Variants in VHL observed in about 807,000 individuals in gnomAD.
The protein encoded by VHL is von Hippel-Lindau disease tumor suppressor.
VHL carries 10 observed loss-of-function variants against 19.2 expected under a neutral mutation model. That is an observed-to-expected ratio of 0.52 (90% CI 0.32 to 0.89). VHL has a LOEUF of 0.89. Ranked by LOEUF, VHL falls within the 40% of genes least tolerant of loss-of-function variation. The pLI is 0.03. For missense variants in VHL, 328 were observed against 292.7 expected, an observed-to-expected ratio of 1.12 and a Z score of -0.88; for synonymous variants, 167 against 129.5, an observed-to-expected ratio of 1.29 and a Z score of -1.97.
chr3:10,149,867 A>G lies in VHL; in HGVS notation c.544A>G (p.Arg182Gly), dbSNP rs778205243. ...GAATTACAGGAGACTGGACATCGTC[A>G]GGTCGCTCTACGAAGATCTGGAAGA... ...PENYRRLDIV[R>G]SLYEDLEDHP... The change falls in exon 3 of 3, where the codon AGG becomes GGG. Residue 182 changes from arginine (R) to glycine (G), a missense_variant. Coordinates refer to ENST00000256474, the MANE Select transcript of VHL (RefSeq NM_000551.4). The G allele has an allele frequency of 3.7e-6, 6 of 1,614,094 alleles. No homozygotes were observed. The Admixed American group carries it at 1.0e-4, about 27-fold the overall frequency.
At chr3:10,148,952 C>A (rs965221875) in intron 2 of VHL, among the ~76,000 whole-genome samples, 1 of 151,942 alleles carries the variant, frequency 6.6e-6, no homozygotes, top group Non-Finnish European at 1.5e-5. Context: ...GGATTACAGG[C>A]GTGAGCCACT....
In VHL at chr3:10,146,656, TA is replaced by T; in HGVS notation, c.463+25del. On this transcript the variant is annotated intron_variant, in intron 2 of 2. Coordinates refer to ENST00000256474, the MANE Select transcript of VHL (RefSeq NM_000551.4). ...TGCCAGGTACTGACGTTTTACTTTTTAAAAAGATAAGGTTGTTGTGGTAAGT... is the reference window on the plus strand; with the variant it reads ...TGCCAGGTACTGACGTTTTACTTTTTAAAAGATAAGGTTGTTGTGGTAAGT... The T allele has an allele frequency of 1.9e-6, 3 of 1,612,770 alleles. No individual in the cohort carries two copies. The highest frequency in any genetic ancestry group is 1.7e-6 in the Non-Finnish European group (2 of 1,179,032).
chr3:10,146,298 C>T lies in VHL; in HGVS notation c.341-216C>T, dbSNP rs143057620. On this transcript the variant is annotated intron_variant, in intron 1 of 2. Transcript: ENST00000256474. ...ACACCATTCTCCTGCCTCAGCCTCC[C>T]GAGTAGCTGGGACTACAGGCGCTCG... Among the ~76,000 whole-genome samples the T allele has an allele frequency of 0.028, 4,152 of 148,644 alleles. 66 individuals carry two copies. The highest frequency in any genetic ancestry group is 0.046 in the South Asian group (215 of 4,648).
At chr3:10,147,524 C>G (rs923670398) in intron 2 of VHL, among the ~76,000 whole-genome samples, 1 of 151,912 alleles carries the variant, frequency 6.6e-6, no homozygotes, top group Non-Finnish European at 1.5e-5. Flanking sequence ...GTCACCACAC[C>G]TGGCTAATTT....
At chr3:10,149,227 C>T (rs1354205714) in intron 2 of VHL, among the ~76,000 whole-genome samples, 3 of 151,888 alleles carry the variant, frequency 2.0e-5, no homozygotes, top group Non-Finnish European at 4.4e-5. Context: ...ATCCTCCCAC[C>T]TCAGCCTCCC....
At chr3:10,147,074 C>T (rs1281870593) in intron 2 of VHL, among the ~76,000 whole-genome samples, 2 of 152,118 alleles carry the variant, frequency 1.3e-5, no homozygotes, top group East Asian at 3.8e-4. Context: ...TGCAGTGGCG[C>T]AATCTCGGCT....
intron 2 of VHL, among the ~76,000 whole-genome samples, chr3:10,148,966 C>T (rs558737890): frequency 1.3e-5 from 2 of 152,166 alleles, no homozygotes; most frequent in Non-Finnish European, 1.5e-5. Context: ...AGCCACTGCG[C>T]CCAGCCCACC....
intron 2 of VHL, among the ~76,000 whole-genome samples, chr3:10,147,673 T>TC (rs1466230848): frequency 2.0e-5 from 3 of 152,182 alleles, no homozygotes; most frequent in Admixed American, 2.0e-4. Flanking sequence ...CCTGTTTTTT[T>TC]TTTTTTTTAA....
chr3:10,142,291 T>C (rs1575922702), intron 1 of VHL, 104 bp downstream of exon 1: 1 of 1,328,982 alleles, frequency 7.5e-7, no homozygotes, highest in Non-Finnish European at 1.0e-6. Context: ...CTGAGGCCCC[T>C]TGAGGCAGGA....
At chr3:10,144,346 C>T (rs999874084) in intron 1 of VHL, among the ~76,000 whole-genome samples, 8 of 151,834 alleles carry the variant, frequency 5.3e-5, no homozygotes, top group Admixed American at 2.6e-4. Context: ...AGGGCACATT[C>T]CTGCCTTTAG....
In VHL at chr3:10,141,859, G is replaced by A. The variant is rs1553619274; in HGVS notation, c.12G>A (p.Arg4=). MPR[R]AENWDEAEVG... ...GGATCGCGGAGGGAATGCCCCGGAG[G>A]GCGGAGAACTGGGACGAGGCCGAGG... Residue 4 remains arginine (R), a synonymous_variant, in exon 1 of 3, where the codon AGG becomes AGA. Transcript: ENST00000256474. The A allele has an allele frequency of 5.9e-6, 9 of 1,535,738 alleles. No homozygotes were observed. Among genetic ancestry groups the A allele is most frequent in the African/African-American group, 1.4e-5 (1 of 72,468 alleles).
At chr3:10,142,234 G>A in intron 1 of VHL, 47 bp downstream of exon 1, 1 of 1,567,266 alleles carries the variant, frequency 6.4e-7, no homozygotes, top group Non-Finnish European at 8.6e-7. Flanking sequence ...CGATAGCACG[G>A]TCTGAAGCCC....
rs1346075080 is a variant in VHL, at chr3:10,153,503, TAAA to T, written c.*3541_*3543del. Among the ~76,000 whole-genome samples the T allele has an allele frequency of 6.6e-6, 1 of 152,146 alleles. No homozygotes were observed. The highest frequency in any genetic ancestry group is 2.4e-5 in the African/African-American group (1 of 41,432). On this transcript the variant is annotated 3_prime_UTR_variant, in exon 3 of 3. Transcript: ENST00000256474. ...GTTTTTGGTGTTGTCCAAGGAAAATTAAAAACCTGTAGCATGAATAATGTTTGT... is the reference window on the plus strand; with the variant it reads ...GTTTTTGGTGTTGTCCAAGGAAAATTAACCTGTAGCATGAATAATGTTTGT...
At chr3:10,145,654 C>T (rs550281007) in intron 1 of VHL, among the ~76,000 whole-genome samples, 5 of 146,914 alleles carry the variant, frequency 3.4e-5, no homozygotes, top group South Asian at 2.1e-4. Flanking sequence ...TGCAGTGAGC[C>T]GAGATCGTGC....
chr3:10,146,525 C>T lies in VHL; in HGVS notation c.352C>T (p.Leu118Phe), dbSNP rs773684010. The T allele has an allele frequency of 6.2e-7, 1 of 1,613,848 alleles. No homozygotes were observed. The highest frequency in any genetic ancestry group is 8.5e-7 in the Non-Finnish European group (1 of 1,179,816). The change falls in exon 2 of 3, where the codon CTC becomes TTC. Residue 118 changes from leucine to phenylalanine, a missense_variant. By Grantham distance (22) the Leu-to-Phe change is conservative. Coordinates refer to ENST00000256474, the MANE Select transcript of VHL (RefSeq NM_000551.4). The stretch of plus-strand genomic sequence containing the variant: ...GCTTGTCCCGATAGGTCACCTTTGG[C>T]TCTTCAGAGATGCAGGGACACACGA... ...RIHSYRGHLW[L>F]FRDAGTHDGL...
intron 1 of VHL, among the ~76,000 whole-genome samples, chr3:10,143,701 C>T (rs1345805260): frequency 6.6e-6 from 1 of 152,178 alleles, no homozygotes; most frequent in African/African-American, 2.4e-5. Context: ...CCTGCTTCGG[C>T]CTCCCAAAGT....
intron 2 of VHL, among the ~76,000 whole-genome samples, chr3:10,147,201 G>A (rs536429573): frequency 1.3e-5 from 2 of 151,766 alleles, no homozygotes; most frequent in Non-Finnish European, 2.9e-5. Context: ...TAGTAGAGAC[G>A]GGGTTTCACC....
At chr3:10,148,526 G>A (rs1273671119) in intron 2 of VHL, among the ~76,000 whole-genome samples, 1 of 151,230 alleles carries the variant, frequency 6.6e-6, no homozygotes, top group Non-Finnish European at 1.5e-5. Flanking sequence ...GTTTTAGCCG[G>A]GATGGTCTCG....
Position 10,141,862 on chromosome 3 carries a change from G to A in VHL, c.15G>A (p.Ala5=), listed in dbSNP as rs1355874307. Residue 5 remains alanine, a synonymous_variant, in exon 1 of 3, where the codon GCG becomes GCA. Transcript: ENST00000256474. ...TCGCGGAGGGAATGCCCCGGAGGGC[G>A]GAGAACTGGGACGAGGCCGAGGTAG... MPRR[A]ENWDEAEVGA... 6.5e-7 allele frequency: 1 copy of A among 1,534,558 alleles called. No individual in the cohort carries two copies. The highest frequency in any genetic ancestry group is 1.4e-5 in the African/African-American group (1 of 72,468).
Sources: gnomAD v4.1 joint callset for allele counts (sites outside exome capture counted in the v4.1 genomes callset) on GRCh38, gnomAD v4.1.1 for gene constraint, MANE v1.5 for transcripts, NCBI Gene and HGNC (gene_info 2026-07-23, HGNC 2026-07-21) for gene names.